The following PPFIA1 variants were observed in gnomAD, a reference collection of about 807,000 sequenced individuals.
The protein encoded by PPFIA1 is PPFI scaffold protein A1.
PPFIA1 carries 25 observed loss-of-function variants against 149.9 expected under a neutral mutation model. The observed-to-expected ratio is 0.17, with a 90% CI of 0.12 to 0.23. The LOEUF (loss-of-function observed/expected upper bound fraction) is 0.23, where lower values mean the gene tolerates loss of function less well. PPFIA1 is among the 10% of genes least tolerant of loss of function. PPFIA1 has a pLI of 1.00. For synonymous variants in PPFIA1, 549 were observed against 552.8 expected, an observed-to-expected ratio of 0.99 and a Z score of 0.10; for missense variants, 1,362 against 1,506.5, an observed-to-expected ratio of 0.90 and a Z score of 1.59.
intron 2 of PPFIA1, among the ~76,000 whole-genome samples, chr11:70,312,478 G>A (rs908807952): frequency 1.3e-5 from 2 of 152,096 alleles, no homozygotes; most frequent in African/African-American, 2.4e-5. Flanking sequence ...GGCAGGAGCC[G>A]CTATGCCTAG....
intron 9 of PPFIA1, 122 bp downstream of exon 9, chr11:70,332,216 G>T: frequency 8.3e-7 from 1 of 1,210,802 alleles, no homozygotes; most frequent in Non-Finnish European, 1.1e-6. Context: ...GCACGGATTT[G>T]GTTTGAGTGC....
rs150993617 is a variant in PPFIA1, at chr11:70,343,010, C to T, written c.1708-659C>T. 1.6e-3 allele frequency among the ~76,000 whole-genome samples: 211 copies of T among 131,832 alleles called. 1 individual carries two copies. Among genetic ancestry groups the T allele is most frequent in the East Asian group, 8.3e-3 (37 of 4,442 alleles). 86.5% of individuals were successfully genotyped at this position (131,832 alleles called of 152,430 possible). A position where few individuals can be genotyped will look rare whatever the true frequency, so the allele number is the denominator to read the frequency against. ...TCGCCCAGGCTGGAGTGCAGTGGCG[C>T]GACCTGGACTCATTGCAACTTCCAC... On this transcript the variant is annotated intron_variant, in intron 14 of 27. Coordinates refer to ENST00000253925, the MANE Select transcript of PPFIA1 (RefSeq NM_003626.5).
chr11:70,308,828 C>A (rs534889521), intron 2 of PPFIA1, among the ~76,000 whole-genome samples: 30 of 152,244 alleles, frequency 2.0e-4, no homozygotes, highest in Non-Finnish European at 3.2e-4. Context: ...GTAGTCCTAG[C>A]TACTTGGGAG....
chr11:70,288,134 G>A (rs931676280), intron 2 of PPFIA1, among the ~76,000 whole-genome samples: 1 of 150,878 alleles, frequency 6.6e-6, no homozygotes, highest in Non-Finnish European at 1.5e-5. Flanking sequence ...GAGTGCAGTG[G>A]CACAATCTGG....
chr11:70,333,604 A>G, intron 10 of PPFIA1, 51 bp downstream of exon 10: 3 of 1,463,404 alleles, frequency 2.1e-6, no homozygotes, highest in East Asian at 4.7e-5. Flanking sequence ...CTGCAAGGTC[A>G]TTGCTCGGCT....
intron 19 of PPFIA1, among the ~76,000 whole-genome samples, chr11:70,357,789 A>G (rs1018005663): frequency 2.0e-5 from 3 of 152,030 alleles, no homozygotes; most frequent in Non-Finnish European, 4.4e-5. Context: ...GGGTTTCACC[A>G]TGTTAGCCAG....
chr11:70,339,583 G>T (rs550382705), intron 14 of PPFIA1, among the ~76,000 whole-genome samples: 1 of 150,600 alleles, frequency 6.6e-6, no homozygotes. Context: ...GCCTCACAAA[G>T]TGCTGGGACT....
At chr11:70,363,430 T>C (rs2056763029) in intron 21 of PPFIA1, 1 of 152,258 alleles carries the variant, frequency 6.6e-6, no homozygotes, top group African/African-American at 2.4e-5. Context: ...CATGTGTAAG[T>C]AGCATCTTGA....
At chr11:70,282,903 G>A (rs182901562) in intron 2 of PPFIA1, among the ~76,000 whole-genome samples, 3 of 142,312 alleles carry the variant, frequency 2.1e-5, no homozygotes, top group Non-Finnish European at 3.0e-5. Context: ...GCAATGGTGC[G>A]ATCTCAGCTC....
intron 26 of PPFIA1, among the ~76,000 whole-genome samples, chr11:70,381,613 T>TA: frequency 6.6e-6 from 1 of 152,296 alleles, no homozygotes; most frequent in Middle Eastern, 3.4e-3. Context: ...TCCCTCCTCT[T>TA]AGACTGGTCT....
chr11:70,271,541 TTACG>T (rs1180206821), intron 1 of PPFIA1, among the ~76,000 whole-genome samples: 1 of 151,956 alleles, frequency 6.6e-6, no homozygotes, highest in Non-Finnish European at 1.5e-5. Context: ...GGTTGTAAAC[TTACG>T]TAAGTTAGGT....
chr11:70,378,241 C>T (rs2135456791), intron 26 of PPFIA1, 46 bp downstream of exon 26: 1 of 1,585,446 alleles, frequency 6.3e-7, no homozygotes, highest in East Asian at 2.3e-5. Flanking sequence ...GGAGCATGAG[C>T]AGCTTTCTGT....
At chr11:70,371,213 T>C (rs1429861062) in intron 21 of PPFIA1, 1 of 150,954 alleles carries the variant, frequency 6.6e-6, no homozygotes, top group African/African-American at 2.4e-5. Flanking sequence ...CTTTTTATTA[T>C]TGATTTCTAA....
chr11:70,359,504 G>A (rs1032168205), intron 19 of PPFIA1, among the ~76,000 whole-genome samples: 2 of 152,128 alleles, frequency 1.3e-5, no homozygotes, highest in Admixed American at 1.3e-4. Flanking sequence ...GTCCTGCTCT[G>A]TCACCCAGGT....
At chr11:70,299,975 T>C (rs2052366622) in intron 2 of PPFIA1, among the ~76,000 whole-genome samples, 1 of 152,138 alleles carries the variant, frequency 6.6e-6, no homozygotes, top group Non-Finnish European at 1.5e-5. Context: ...TTAGCCCGGC[T>C]ACCGACTCCG....
intron 2 of PPFIA1, among the ~76,000 whole-genome samples, chr11:70,315,329 T>G (rs2053542232): frequency 6.6e-6 from 1 of 152,168 alleles, no homozygotes; most frequent in Non-Finnish European, 1.5e-5. Flanking sequence ...TGTGGTCTTC[T>G]TTTCTAGTGT....
Position 70,356,188 on chromosome 11 carries a change from C to A in PPFIA1, c.2516C>A (p.Ser839Tyr). Residue 839 changes from serine to tyrosine, a missense_variant, in exon 19 of 28, where the codon TCT becomes TAT. Ser to Tyr is a moderately radical substitution (Grantham distance 144, BLOSUM62 -2). This residue lies in a region of PPFIA1 where 91 missense variants were observed against 91.2 expected (regional missense o/e 1.00). Transcript: ENST00000253925. ...QAGVSETDNS[S>Y]QDALGLSKLG... ...GGTGTTTCCGAGACGGATAACTCAT[C>A]TCAGGATGCCTTGGGACTTAGCAAA... The A allele has an allele frequency of 6.2e-7, 1 of 1,614,072 alleles. No homozygotes were observed. Among genetic ancestry groups the A allele is most frequent in the Non-Finnish European group, 8.5e-7 (1 of 1,180,004 alleles).
intron 2 of PPFIA1, among the ~76,000 whole-genome samples, chr11:70,274,715 G>A (rs1192920454): frequency 1.3e-5 from 2 of 151,856 alleles, no homozygotes; most frequent in Admixed American, 6.6e-5. Context: ...TGGTGCAGAT[G>A]TCTATAAACT....
At chr11:70,281,276 AG>A (rs1378031003) in intron 2 of PPFIA1, among the ~76,000 whole-genome samples, 1 of 152,150 alleles carries the variant, frequency 6.6e-6, no homozygotes, top group Non-Finnish European at 1.5e-5. Context: ...TGCCCAGAGT[AG>A]GGACAGATCA....
Sources: allele counts gnomAD v4.1 joint callset (sites outside exome capture counted in the v4.1 genomes callset), GRCh38; gene constraint gnomAD v4.1.1; regional missense constraint gnomAD v4.1.1; transcripts MANE v1.5; gene names NCBI Gene and HGNC (gene_info 2026-07-23, HGNC 2026-07-21).